The following OPCML variants were observed in gnomAD, a reference collection of about 807,000 sequenced individuals.
OPCML encodes the protein opioid-binding protein/cell adhesion molecule.
A neutral mutation model predicts 37.8 loss-of-function variants in OPCML; 13 were observed. That is an observed-to-expected ratio of 0.34 (90% CI 0.22 to 0.55). The LOEUF is 0.55. Ranked by LOEUF, OPCML falls within the 20% of genes least tolerant of loss-of-function variation. The probability of loss-of-function intolerance (pLI) is 0.91; values close to 1 mark genes in which losing one functional copy is unlikely to be tolerated. For missense variants in OPCML, 341 were observed against 435.6 expected (o/e 0.78, Z 1.93); for synonymous variants, 176 against 168.8 (o/e 1.04, Z -0.33).
At chr11:132,500,946 G>A (rs983503323) in intron 4 of OPCML, among the ~76,000 whole-genome samples, 1 of 152,136 alleles carries the variant, frequency 6.6e-6, no homozygotes, top group Non-Finnish European at 1.5e-5. Context: ...TCTTTATCCA[G>A]TCTACAATTG....
At chr11:132,799,148 T>A (rs144478087) in intron 2 of OPCML, among the ~76,000 whole-genome samples, 2,423 of 152,246 alleles carry the variant, frequency 0.016, 27 homozygotes, top group Middle Eastern at 0.031. Flanking sequence ...GGCATTGACT[T>A]CTCCTCTCTA....
intron 2 of OPCML, among the ~76,000 whole-genome samples, chr11:132,665,553 T>TA (rs1942181490): frequency 2.0e-5 from 3 of 152,296 alleles, no homozygotes; most frequent in Admixed American, 2.0e-4. Flanking sequence ...GAAGTGGGGT[T>TA]AAACTGCTTG....
rs1941322337 is a variant in OPCML, at chr11:133,256,717, T to A, written c.61+275547A>T. On this transcript the variant is annotated intron_variant, in intron 1 of 7. Transcript: ENST00000524381. ...TCCTTTAAAAATCAATGTATTTAAG[T>A]AAACACATAAATAGCTTTAAATTAG... Among the ~76,000 whole-genome samples the A allele has an allele frequency of 2.0e-5, 3 of 152,234 alleles. 1 individual carries two copies. In the South Asian group the frequency reaches 6.2e-4, roughly 32 times the overall value.
intron 1 of OPCML, among the ~76,000 whole-genome samples, chr11:133,073,795 C>A (rs1324867022): frequency 6.6e-6 from 1 of 152,156 alleles, no homozygotes; most frequent in Non-Finnish European, 1.5e-5. Context: ...TATTTATTGA[C>A]CCAGATACAC....
At chr11:132,755,939 A>G (rs1035906430) in intron 2 of OPCML, among the ~76,000 whole-genome samples, 2 of 152,196 alleles carry the variant, frequency 1.3e-5, no homozygotes, top group African/African-American at 4.8e-5. Flanking sequence ...CTGACAGCTT[A>G]TCTTGCAAAA....
chr11:132,650,522 T>C (rs1023117414), intron 3 of OPCML, among the ~76,000 whole-genome samples: 3 of 152,098 alleles, frequency 2.0e-5, no homozygotes, highest in South Asian at 2.1e-4. Context: ...TGCACTAATA[T>C]ACAGAATTTG....
At chr11:133,460,029 T>C (rs969258590) in intron 1 of OPCML, among the ~76,000 whole-genome samples, 17 of 152,042 alleles carry the variant, frequency 1.1e-4, no homozygotes, top group African/African-American at 4.1e-4. Context: ...TGTCTGTTCT[T>C]ATCACAATGG....
At chr11:133,516,082 G>C (rs1033434462) in intron 1 of OPCML, among the ~76,000 whole-genome samples, 16 of 152,098 alleles carry the variant, frequency 1.1e-4, no homozygotes, top group African/African-American at 3.9e-4. Context: ...GAAACAACTG[G>C]GAGAGAAGCT....
At chr11:133,243,641 A>G (rs965683085) in intron 1 of OPCML, among the ~76,000 whole-genome samples, 4 of 152,250 alleles carry the variant, frequency 2.6e-5, no homozygotes, top group African/African-American at 9.6e-5. Context: ...ACACGGCTCC[A>G]GTCCTCAGTG....
chr11:132,788,746 C>T (rs1306478508), intron 2 of OPCML, among the ~76,000 whole-genome samples: 1 of 152,154 alleles, frequency 6.6e-6, no homozygotes, highest in Non-Finnish European at 1.5e-5. Context: ...AAAACACAAA[C>T]CGTTTGAGTA....
chr11:132,435,065 G>C (rs1239803905), intron 7 of OPCML: 1 of 630,926 alleles, frequency 1.6e-6, no homozygotes, highest in Non-Finnish European at 2.6e-6. Context: ...AAATTACAGA[G>C]GTGAAGCAGG....
intron 4 of OPCML, among the ~76,000 whole-genome samples, chr11:132,454,368 G>T (rs2096076027): frequency 6.6e-6 from 1 of 152,192 alleles, no homozygotes; most frequent in South Asian, 2.1e-4. Flanking sequence ...AAGTGTGATG[G>T]TGGAAGCCTG....
intron 1 of OPCML, among the ~76,000 whole-genome samples, chr11:132,989,905 C>A (rs574143231): frequency 6.6e-6 from 1 of 152,186 alleles, no homozygotes; most frequent in South Asian, 2.1e-4. Flanking sequence ...CTAACAAATA[C>A]ATTTATTTTA....
At chr11:133,081,625 G>A (rs926226875) in intron 1 of OPCML, among the ~76,000 whole-genome samples, 21 of 152,182 alleles carry the variant, frequency 1.4e-4, no homozygotes, top group African/African-American at 5.1e-4. Context: ...CTTTGGATAA[G>A]CCCAATAGTG....
At chr11:133,232,923 A>G (rs1940340512) in intron 1 of OPCML, among the ~76,000 whole-genome samples, 1 of 152,206 alleles carries the variant, frequency 6.6e-6, no homozygotes, top group African/African-American at 2.4e-5. Context: ...TAATTAGAAT[A>G]TACTGCCTTT....
intron 1 of OPCML, among the ~76,000 whole-genome samples, chr11:133,354,512 G>A (rs1012792014): frequency 2.6e-5 from 4 of 152,082 alleles, no homozygotes; most frequent in Non-Finnish European, 5.9e-5. Context: ...TAACTAGCAG[G>A]TGGTAATATT....
chr11:132,600,970 C>T (rs970840547), intron 3 of OPCML, among the ~76,000 whole-genome samples: 5 of 149,398 alleles, frequency 3.3e-5, no homozygotes, highest in East Asian at 4.0e-4. Context: ...GGATTACAGG[C>T]GTAAGCCACT....
chr11:132,626,812 TTCTC>T (rs375135656), intron 3 of OPCML, among the ~76,000 whole-genome samples: 6,849 of 147,208 alleles, frequency 0.047, 347 homozygotes, highest in African/African-American at 0.13. Context: ...AAAGGGAAGT[TTCTC>T]TCTCTCTCTC....
At chr11:132,642,757 AT>A (rs1940927519) in intron 3 of OPCML, among the ~76,000 whole-genome samples, 1 of 152,222 alleles carries the variant, frequency 6.6e-6, no homozygotes, top group Admixed American at 6.5e-5. Flanking sequence ...ACAGATGAAG[AT>A]TCTGAAACAT....
Sources: allele counts gnomAD v4.1 joint callset (sites outside exome capture counted in the v4.1 genomes callset), GRCh38; gene constraint gnomAD v4.1.1; transcripts MANE v1.5; gene names NCBI Gene and HGNC (gene_info 2026-07-23, HGNC 2026-07-21).